MAP3K21: variants seen among roughly 807,000 people sequenced by gnomAD.
MAP3K21 encodes mitogen-activated protein kinase kinase kinase MLK4.
Under a neutral mutation model 86.1 loss-of-function variants are expected in MAP3K21, and 63 were observed. That is an observed-to-expected ratio of 0.73 (90% CI 0.60 to 0.90). The LOEUF (loss-of-function observed/expected upper bound fraction) is 0.90. Ranked by LOEUF, MAP3K21 falls within the 40% of genes least tolerant of loss-of-function variation. MAP3K21 has a pLI of 0.00. For synonymous variants in MAP3K21, 558 were observed against 564.8 expected, an observed-to-expected ratio of 0.99 and a Z score of 0.17; for missense variants, 1,220 against 1,367.7, an observed-to-expected ratio of 0.89 and a Z score of 1.70.
intron 8 of MAP3K21, among the ~76,000 whole-genome samples, chr1:233,377,777 T>C (rs763482431): frequency 2.4e-4 from 36 of 152,180 alleles, no homozygotes; most frequent in Non-Finnish European, 4.6e-4. Flanking sequence ...CAACTCACCA[T>C]AATGTAGAAT....
In MAP3K21 at chr1:233,328,925, G is replaced by C; in HGVS notation, c.805+92G>C. ...CATAGTACCAGATGGAAAGAGGTGG[G>C]AGTCAGCCTTAGGGCGCCAGCAGCA... On this transcript the variant is annotated intron_variant, in intron 1 of 9. Transcript: ENST00000366624. The surrounding 1 kb of genome is among the most constrained non-coding windows in gnomAD (Gnocchi z 8.7). 8.2e-7 allele frequency: 1 copy of C among 1,225,328 alleles called. No homozygotes were observed. Among genetic ancestry groups the C allele is most frequent in the African/African-American group, 1.6e-5 (1 of 63,558 alleles). The allele number at this position is 1,225,328 out of a possible 1,614,324, so 75.9% of individuals were successfully genotyped here.
intron 8 of MAP3K21, among the ~76,000 whole-genome samples, chr1:233,378,587 CA>C (rs996270937): frequency 1.3e-5 from 2 of 152,200 alleles, no homozygotes; most frequent in African/African-American, 4.8e-5. Context: ...CATTTGGTGA[CA>C]TATTTAGTGA....
chr1:233,345,234 A>C (rs901863963), intron 1 of MAP3K21, among the ~76,000 whole-genome samples: 13 of 152,228 alleles, frequency 8.5e-5, no homozygotes, highest in African/African-American at 3.1e-4. Flanking sequence ...ATTTCTGGGT[A>C]TATACCCAAA....
At chr1:233,337,011 C>T (rs937363254) in intron 1 of MAP3K21, among the ~76,000 whole-genome samples, 4 of 152,178 alleles carry the variant, frequency 2.6e-5, no homozygotes, top group Non-Finnish European at 4.4e-5. Context: ...CATTGGAGGA[C>T]AAATGGTGTT....
At chr1:233,360,372 A>G (rs1341522334) in intron 4 of MAP3K21, among the ~76,000 whole-genome samples, 1 of 152,174 alleles carries the variant, frequency 6.6e-6, no homozygotes, top group African/African-American at 2.4e-5. Flanking sequence ...TGTAATGAAG[A>G]AACACCCACC....
At chr1:233,339,256 T>C (rs369973533) in intron 1 of MAP3K21, among the ~76,000 whole-genome samples, 811 of 45,918 alleles carry the variant, frequency 0.018, 19 homozygotes, top group Non-Finnish European at 0.025. Flanking sequence ...CTTCTTCTTC[T>C]TCTTCTTCTT....
intron 3 of MAP3K21, 64 bp downstream of exon 3, chr1:233,354,019 T>A (rs1663301517): frequency 2.2e-6 from 3 of 1,371,950 alleles, no homozygotes; most frequent in Non-Finnish European, 9.5e-7. Flanking sequence ...TATCATTTTT[T>A]AAAAAACAGA....
At chr1:233,333,838 A>G (rs766223394) in intron 1 of MAP3K21, among the ~76,000 whole-genome samples, 1 of 152,128 alleles carries the variant, frequency 6.6e-6, no homozygotes, top group Non-Finnish European at 1.5e-5. Context: ...TAGTGCAGCT[A>G]AGGGAAACAG....
intron 5 of MAP3K21, among the ~76,000 whole-genome samples, chr1:233,371,580 G>A (rs181210383): frequency 3.2e-4 from 49 of 152,152 alleles, no homozygotes; most frequent in African/African-American, 1.2e-3. Flanking sequence ...GGCTGGTCTC[G>A]AACTTCTAGC....
Position 233,379,649 on chromosome 1 carries a change from T to A in MAP3K21, c.2643T>A (p.Ala881=). ...QQTCGNVPYC[A]SSKHRPSHHR... Reference sequence around the variant, plus strand: ...CATGTGGGAATGTACCTTACTGTGCTTCTTCAAAACATAGACCGTCACATC... The same window carrying A: ...CATGTGGGAATGTACCTTACTGTGCATCTTCAAAACATAGACCGTCACATC... The change falls in exon 9 of 10, where the codon GCT becomes GCA. Residue 881 remains alanine, a synonymous_variant. Coordinates refer to ENST00000366624, the MANE Select transcript of MAP3K21 (RefSeq NM_032435.3). The A allele has an allele frequency of 7.4e-6, 12 of 1,614,018 alleles. No individual in the cohort carries two copies. The highest frequency in any genetic ancestry group is 1.0e-5 in the Non-Finnish European group (12 of 1,180,028).
chr1:233,356,106 C>T (rs1378386490), intron 4 of MAP3K21, among the ~76,000 whole-genome samples: 1 of 152,180 alleles, frequency 6.6e-6, no homozygotes, highest in Non-Finnish European at 1.5e-5. Flanking sequence ...TCCCTAGCTT[C>T]TGTGCCCATT....
rs144153838 is a variant in MAP3K21 at position 233,371,418 on chromosome 1, T to C, written c.1553-620T>C. Among the ~76,000 whole-genome samples, 255 of 152,310 alleles carry C rather than the reference T, an allele frequency of 1.7e-3. 4 individuals are homozygous for C. The East Asian group carries it at 0.044, about 26-fold the overall frequency. ...CTCTGTTGCCCAGGCTGGAGTGCAG[T>C]GGCACAATCTCAGCTCACTGTACCC... On this transcript the variant is annotated intron_variant, in intron 5 of 9. Transcript: ENST00000366624.
chr1:233,364,189 T>C (rs1663523559), intron 5 of MAP3K21, among the ~76,000 whole-genome samples: 1 of 92,442 alleles, frequency 1.1e-5, no homozygotes, highest in South Asian at 5.4e-4. Context: ...TTTTCCAGGC[T>C]CTCTTCTGAT....
At chr1:233,349,705 G>A (rs6682809) in intron 2 of MAP3K21, among the ~76,000 whole-genome samples, 1,858 of 152,228 alleles carry the variant, frequency 0.012, 36 homozygotes, top group African/African-American at 0.043. Flanking sequence ...TTGGGAGGCC[G>A]AGGTGGGCAG....
chr1:233,380,523 C>T (rs1382543440), intron 9 of MAP3K21, among the ~76,000 whole-genome samples: 1 of 152,188 alleles, frequency 6.6e-6, no homozygotes, highest in African/African-American at 2.4e-5. Flanking sequence ...GGACACAGTT[C>T]ACCCCATGAC....
At chr1:233,369,477 A>C (rs1214837456) in intron 5 of MAP3K21, among the ~76,000 whole-genome samples, 1 of 152,214 alleles carries the variant, frequency 6.6e-6, no homozygotes, top group African/African-American at 2.4e-5. Context: ...CTGAGAGCAC[A>C]TGTGGAGGAA....
At chr1:233,357,250 GTC>G (rs1306271809) in intron 4 of MAP3K21, among the ~76,000 whole-genome samples, 1 of 152,118 alleles carries the variant, frequency 6.6e-6, no homozygotes, top group Admixed American at 6.5e-5. Context: ...ACCAGGGTGT[GTC>G]ATGGAGTCAG....
chr1:233,340,213 G>T (rs1663014784), intron 1 of MAP3K21, among the ~76,000 whole-genome samples: 3 of 152,192 alleles, frequency 2.0e-5, no homozygotes, highest in Non-Finnish European at 4.4e-5. Flanking sequence ...AGCAGGAAGT[G>T]TCCAGATTCC....
chr1:233,376,081 T>C lies in MAP3K21; in HGVS notation c.1826+15T>C. The C allele has an allele frequency of 6.3e-7, 1 of 1,587,620 alleles. No individual in the cohort carries two copies. The highest frequency in any genetic ancestry group is 8.5e-7 in the Non-Finnish European group (1 of 1,171,962). On this transcript the variant is annotated intron_variant, in intron 7 of 9. Coordinates refer to ENST00000366624, the MANE Select transcript of MAP3K21 (RefSeq NM_032435.3). ...TGCAAAGAAAGGTACGTGTGTGGTATCTGGTGGTATTCATTGTGTAATATG... is the reference window on the plus strand; with the variant it reads ...TGCAAAGAAAGGTACGTGTGTGGTACCTGGTGGTATTCATTGTGTAATATG...
Sources: allele counts gnomAD v4.1 joint callset (sites outside exome capture counted in the v4.1 genomes callset), GRCh38; gene constraint gnomAD v4.1.1; non-coding constraint Gnocchi (gnomAD v3.1); transcripts MANE v1.5; gene names NCBI Gene and HGNC (gene_info 2026-07-23, HGNC 2026-07-21).